The following MLLT10 variants were observed in gnomAD, a reference collection of about 807,000 sequenced individuals.
MLLT10 encodes the protein MLLT10 histone lysine methyltransferase DOT1L cofactor, also known as protein AF-10.
In MLLT10, 30 loss-of-function variants were observed where a neutral mutation model predicts 129.1. That is an observed-to-expected ratio of 0.23 (90% confidence interval 0.17 to 0.32). The LOEUF is 0.32. MLLT10 is among the 10% of genes least tolerant of loss of function. MLLT10 has a pLI of 1.00. For synonymous variants in MLLT10, 490 were observed against 446.4 expected, an observed-to-expected ratio of 1.10 and a Z score of -1.23; for missense variants, 1,119 against 1,268.3, an observed-to-expected ratio of 0.88 and a Z score of 1.79.
intron 13 of MLLT10, among the ~76,000 whole-genome samples, chr10:21,693,262 A>C (rs1002317994): frequency 6.6e-6 from 1 of 152,198 alleles, no homozygotes; most frequent in Non-Finnish European, 1.5e-5. Context: ...ATGTTAATAT[A>C]CTTCTCTAGG....
intron 3 of MLLT10, among the ~76,000 whole-genome samples, chr10:21,573,991 G>A (rs1461995350): frequency 6.6e-6 from 1 of 152,080 alleles, no homozygotes; most frequent in African/African-American, 2.4e-5. Context: ...ATATTCATTG[G>A]TATTCTTCAT....
chr10:21,733,523 G>A lies in MLLT10; in HGVS notation c.2427G>A (p.Leu809=), dbSNP rs1327303635. Residue 809 remains leucine (L), a synonymous_variant, in exon 19 of 23, where the codon TTG becomes TTA. Coordinates refer to ENST00000307729, the MANE Select transcript of MLLT10 (RefSeq NM_001195626.3). ...SAQTAPTTDS[L]NSSKSPHIGN... ...TTCTAGCTCCTACTACTGATTCCTTGAACAGCAGTAAGAGCCCTCATATAG... is the reference window on the plus strand; with the variant it reads ...TTCTAGCTCCTACTACTGATTCCTTAAACAGCAGTAAGAGCCCTCATATAG... The A allele has an allele frequency of 1.3e-6, 2 of 1,559,116 alleles. No homozygotes were observed. Among genetic ancestry groups the A allele is most frequent in the African/African-American group, 2.8e-5 (2 of 72,428 alleles).
intron 8 of MLLT10, among the ~76,000 whole-genome samples, chr10:21,622,153 C>CTTTTTTTTTTTTTTTTTTTTTTTT (rs71393915): frequency 2.0e-5 from 2 of 99,816 alleles, no homozygotes; most frequent in Non-Finnish European, 1.9e-5. Flanking sequence ...TTTGTTTTTC[C>CTTTTTTTTTTTTTTTTTTTTTTTT]TTTTTTTTTT....
At chr10:21,713,990 T>C in intron 14 of MLLT10, 40 bp downstream of exon 14, 1 of 1,534,438 alleles carries the variant, frequency 6.5e-7, no homozygotes, top group Non-Finnish European at 8.8e-7. Context: ...AATAGGTGGG[T>C]TTCTCATTTT....
At chr10:21,592,194 A>G (rs1271930581) in intron 4 of MLLT10, among the ~76,000 whole-genome samples, 19 of 152,182 alleles carry the variant, frequency 1.2e-4, no homozygotes, top group Non-Finnish European at 2.9e-5. Context: ...GTGTGAAGGC[A>G]TTATTGTTTT....
At chr10:21,542,457 C>T (rs2035340923) in intron 3 of MLLT10, among the ~76,000 whole-genome samples, 1 of 152,178 alleles carries the variant, frequency 6.6e-6, no homozygotes, top group African/African-American at 2.4e-5. Flanking sequence ...GTAATCCCAG[C>T]TACTCGGGAG....
At chr10:21,670,774 A>G in intron 10 of MLLT10, 70 bp downstream of exon 10, 1 of 1,502,214 alleles carries the variant, frequency 6.7e-7, no homozygotes, top group Non-Finnish European at 8.9e-7. Flanking sequence ...TTGTAAAATA[A>G]TTGGTTTGTT....
At chr10:21,585,217 C>T (rs545282046) in intron 3 of MLLT10, among the ~76,000 whole-genome samples, 50 of 152,124 alleles carry the variant, frequency 3.3e-4, no homozygotes, top group African/African-American at 1.2e-3. Flanking sequence ...ATCCACTGTG[C>T]CCGGCCTATA....
In MLLT10 at chr10:21,666,946, GTATA is replaced by G. The variant is rs1383348390; in HGVS notation, c.796-3501_796-3498del. Among the ~76,000 whole-genome samples the G allele has an allele frequency of 2.0e-5, 3 of 151,770 alleles. No individual in the cohort carries two copies. In the East Asian group the frequency reaches 5.8e-4, roughly 29 times the overall value. On this transcript the variant is annotated intron_variant, in intron 9 of 22. Transcript: ENST00000307729. ...TTTCTAATGCTCTTCCTTCTTTTTG[GTATA>G]TTCACATTTCATTTATTATTTGTCT...
Position 21,742,136 on chromosome 10 carries a change from T to TTTGA in MLLT10, c.*156_*159dup, listed in dbSNP as rs1300585684. 1.9e-5 allele frequency: 12 copies of TTTGA among 648,010 alleles called. No individual in the cohort carries two copies. The African/African-American group carries it at 2.2e-4, about 12-fold the overall frequency. 40.1% of individuals were successfully genotyped at this position (648,010 alleles called of 1,614,324 possible). A position where few individuals can be genotyped will look rare whatever the true frequency, so the allele number is the denominator to read the frequency against. On this transcript the variant is annotated 3_prime_UTR_variant, in exon 23 of 23. Coordinates refer to ENST00000307729, the MANE Select transcript of MLLT10 (RefSeq NM_001195626.3). ...TGCTGCAAGGACATTCTTGTAAGGC[T>TTTGA]TTGATTAGTTTTCTTGTTGCTTTGT...
Position 21,642,236 on chromosome 10 carries a change from C to T in MLLT10, c.700-9437C>T, listed in dbSNP as rs1288228980. ...GACGTGGTGGCGGACGCCTGTAATCCCAGCTACACTGGAGGCTGAGGCAGA... is the reference window on the plus strand; with the variant it reads ...GACGTGGTGGCGGACGCCTGTAATCTCAGCTACACTGGAGGCTGAGGCAGA... On this transcript the variant is annotated intron_variant, in intron 8 of 22. Transcript: ENST00000307729. Among the ~76,000 whole-genome samples, 4 of 152,042 alleles carry T rather than the reference C, an allele frequency of 2.6e-5. No homozygotes were observed. The East Asian group carries it at 7.7e-4, about 29-fold the overall frequency.
chr10:21,738,731 GA>G (rs1349708837), intron 21 of MLLT10, among the ~76,000 whole-genome samples: 3 of 152,112 alleles, frequency 2.0e-5, no homozygotes, highest in African/African-American at 7.2e-5. Context: ...CCTCCTCCTT[GA>G]AACATTTCCT....
chr10:21,722,722 G>A (rs1191813642), intron 14 of MLLT10, among the ~76,000 whole-genome samples: 1 of 152,064 alleles, frequency 6.6e-6, no homozygotes, highest in Non-Finnish European at 1.5e-5. Context: ...AAAAGGTGGG[G>A]GTTTCTTGGC....
chr10:21,591,703 A>C (rs763769828), intron 4 of MLLT10, among the ~76,000 whole-genome samples: 8 of 151,400 alleles, frequency 5.3e-5, no homozygotes, highest in Non-Finnish European at 1.2e-4. Context: ...CAGTAAATTC[A>C]GTCTCTACTG....
intron 15 of MLLT10, among the ~76,000 whole-genome samples, chr10:21,727,070 G>A (rs1424743641): frequency 6.6e-6 from 1 of 152,096 alleles, no homozygotes; most frequent in Admixed American, 6.5e-5. Context: ...ATGCCTGTTT[G>A]GGGGAAGGGA....
At chr10:21,580,768 C>T (rs1457209075) in intron 3 of MLLT10, among the ~76,000 whole-genome samples, 5 of 151,478 alleles carry the variant, frequency 3.3e-5, no homozygotes, top group Admixed American at 6.6e-5. Context: ...ATGGCGCGAT[C>T]TTGACTCACT....
chr10:21,544,294 C>G (rs2035732538), intron 3 of MLLT10, among the ~76,000 whole-genome samples: 1 of 152,180 alleles, frequency 6.6e-6, no homozygotes, highest in African/African-American at 2.4e-5. Context: ...CGAGTAAATT[C>G]AGTCCCAATC....
chr10:21,649,641 A>G (rs952191861), intron 8 of MLLT10, among the ~76,000 whole-genome samples: 2 of 152,226 alleles, frequency 1.3e-5, no homozygotes, highest in Admixed American at 6.5e-5. Flanking sequence ...GCTATAGGCT[A>G]GAGTACCTCA....
At chr10:21,623,959 C>T (rs2046166561) in intron 8 of MLLT10, among the ~76,000 whole-genome samples, 2 of 151,706 alleles carry the variant, frequency 1.3e-5, no homozygotes, top group Non-Finnish European at 2.9e-5. Context: ...TTATTGAAAT[C>T]TTACATGAAC....
Sources: allele counts gnomAD v4.1 joint callset (sites outside exome capture counted in the v4.1 genomes callset), GRCh38; gene constraint gnomAD v4.1.1; transcripts MANE v1.5; gene names NCBI Gene and HGNC (gene_info 2026-07-23, HGNC 2026-07-21).